Variants in ODR4 observed in about 807,000 individuals in gnomAD.
ODR4 encodes odr-4 GPCR localization factor homolog.
ODR4 carries 47 observed loss-of-function variants against 60.2 expected under a neutral mutation model. That is an observed-to-expected ratio of 0.78 (90% CI 0.62 to 1.00). ODR4 has a LOEUF of 1.00. Among genes scored for constraint, ODR4 ranks in the 50% least tolerant of loss-of-function variants. The pLI is 0.00. For missense variants in ODR4, 488 were observed against 530.8 expected (o/e 0.92, Z 0.79); for synonymous variants, 178 against 175.5 (o/e 1.01, Z -0.11).
chr1:186,418,220 A>G (rs1661648430), intron 13 of ODR4, among the ~76,000 whole-genome samples: 1 of 151,494 alleles, frequency 6.6e-6, no homozygotes, highest in Non-Finnish European at 1.5e-5. Context: ...GATAAATTTA[A>G]TTAATTTTTT....
intron 11 of ODR4, chr1:186,400,974 T>G: frequency 6.9e-7 from 1 of 1,459,670 alleles, no homozygotes; most frequent in Non-Finnish European, 9.3e-7. Context: ...TCCTGTGGTG[T>G]AAATCATTGC....
At chr1:186,384,572 G>GAC (rs368870659) in intron 3 of ODR4, among the ~76,000 whole-genome samples, 6,264 of 129,570 alleles carry the variant, frequency 0.048, 221 homozygotes, top group East Asian at 0.093. Flanking sequence ...AATTGTATAT[G>GAC]ACACACACAC....
chr1:186,386,598 T>C (rs1660262082), intron 4 of ODR4, among the ~76,000 whole-genome samples: 1 of 152,180 alleles, frequency 6.6e-6, no homozygotes, highest in African/African-American at 2.4e-5. Context: ...GAAGTAATTC[T>C]TTTTGACAGA....
chr1:186,431,354 G>A, the ODR4 span, among the ~76,000 whole-genome samples: 5 of 152,258 alleles, frequency 3.3e-5, no homozygotes, highest in African/African-American at 1.2e-4. Context: ...TCTGAGGTTA[G>A]TAATCACATG....
chr1:186,408,747 T>G (rs1320421910), intron 12 of ODR4, among the ~76,000 whole-genome samples: 6 of 151,498 alleles, frequency 4.0e-5, no homozygotes, highest in Admixed American at 3.9e-4. Context: ...CACATTCTTG[T>G]GCATCTCACA....
At chr1:186,401,135 T>C in intron 11 of ODR4, 1 of 1,596,274 alleles carries the variant, frequency 6.3e-7, no homozygotes, top group Non-Finnish European at 8.6e-7. Context: ...ATAAAAGTGG[T>C]ATTATATGGC....
chr1:186,433,109 A>G, the ODR4 span, among the ~76,000 whole-genome samples: 1 of 152,082 alleles, frequency 6.6e-6, no homozygotes, highest in Admixed American at 6.5e-5. Context: ...TTATTAGAGA[A>G]CCAATTTTTG....
chr1:186,407,552 T>G (rs562788132), intron 12 of ODR4, among the ~76,000 whole-genome samples: 8 of 152,252 alleles, frequency 5.3e-5, no homozygotes, highest in African/African-American at 1.9e-4. Context: ...CTCTTAATAC[T>G]GAAAACTACA....
In ODR4 at chr1:186,398,948, C is replaced by T. The variant is rs966821777; in HGVS notation, c.910-6C>T. On this transcript the variant is annotated splice_polypyrimidine_tract_variant and splice_region_variant and intron_variant, in intron 10 of 13. Coordinates refer to ENST00000287859, the MANE Select transcript of ODR4 (RefSeq NM_017847.6). ...TACTGTGTTTTTTGTGTGTTTTTCC[C>T]TGTAGGCAGTAAAGAGGGATATATT... is the stretch of plus-strand genomic sequence containing the variant. The T allele has an allele frequency of 5.0e-6, 8 of 1,591,512 alleles. No homozygotes were observed. In the African/African-American group the frequency reaches 8.1e-5, roughly 16 times the overall value.
At position 186,413,529 on chromosome 1, in the gene ODR4, C is replaced by T. The variant is rs1271834467; in HGVS notation, c.1187-4015C>T. ...TTTAAAATTTCTTAGCTGTGTTAGTCATCTCCTAGTAGATGTTAACTTGAT... is the reference window on the plus strand; with the variant it reads ...TTTAAAATTTCTTAGCTGTGTTAGTTATCTCCTAGTAGATGTTAACTTGAT... On this transcript the variant is annotated intron_variant, in intron 12 of 13. Coordinates refer to ENST00000287859, the MANE Select transcript of ODR4 (RefSeq NM_017847.6). 1.1e-4 allele frequency among the ~76,000 whole-genome samples: 17 copies of T among 152,096 alleles called. 1 individual carries two copies. Among genetic ancestry groups the T allele is most frequent in the Admixed American group, 1.1e-3 (17 of 15,268 alleles).
chr1:186,417,779 G>A (rs1481092077), intron 13 of ODR4, 125 bp downstream of exon 13: 4 of 608,628 alleles, frequency 6.6e-6, no homozygotes, highest in Admixed American at 3.0e-5. Flanking sequence ...TATTTATTGG[G>A]TATTATGGAA....
chr1:186,413,310 G>A (rs1444064785), intron 12 of ODR4, among the ~76,000 whole-genome samples: 3 of 151,986 alleles, frequency 2.0e-5, no homozygotes, highest in Non-Finnish European at 2.9e-5. Flanking sequence ...TCAGGTAAAG[G>A]ATGCTCAACT....
the ODR4 span, among the ~76,000 whole-genome samples, chr1:186,433,254 T>G: frequency 6.6e-6 from 1 of 152,114 alleles, no homozygotes; most frequent in South Asian, 2.1e-4. Context: ...TCTTCTTTTG[T>G]AATTTATGTT....
chr1:186,431,924 T>C, the ODR4 span, among the ~76,000 whole-genome samples: 23 of 152,108 alleles, frequency 1.5e-4, no homozygotes, highest in East Asian at 4.4e-3. Context: ...GTGGGAAAAG[T>C]TGGTAGGGGG....
intron 12 of ODR4, chr1:186,411,831 A>T (rs1043503906): frequency 1.4e-4 from 140 of 974,662 alleles, no homozygotes; most frequent in Non-Finnish European, 1.7e-4. Flanking sequence ...AGATGGATTA[A>T]CAGTAGGAAG....
intron 11 of ODR4, chr1:186,400,803 T>G (rs1660913697): frequency 2.8e-6 from 1 of 356,042 alleles, no homozygotes; most frequent in African/African-American, 2.2e-5. Flanking sequence ...TACTAATAAT[T>G]TATAATTTTG....
intron 11 of ODR4, among the ~76,000 whole-genome samples, chr1:186,402,734 C>T (rs1425497426): frequency 1.3e-5 from 2 of 149,510 alleles, no homozygotes; most frequent in Non-Finnish European, 3.0e-5. Flanking sequence ...ACTACAAGCG[C>T]ACAGCAGTAT....
chr1:186,384,605 A>ACC (rs1660181671), intron 3 of ODR4, among the ~76,000 whole-genome samples: 1 of 151,908 alleles, frequency 6.6e-6, no homozygotes, highest in Non-Finnish European at 1.5e-5. Flanking sequence ...ACACACACAC[A>ACC]GAATATTAAT....
chr1:186,420,910 A>G lies in ODR4; in HGVS notation c.*1834A>G, dbSNP rs1483629121. The G allele has an allele frequency of 1.3e-5, 2 of 152,196 alleles. No individual in the cohort carries two copies. The highest frequency in any genetic ancestry group is 1.3e-4 in the Admixed American group (2 of 15,276). The allele number at this position is 152,196 out of a possible 1,614,324, so 9.4% of individuals were successfully genotyped here. On this transcript the variant is annotated 3_prime_UTR_variant, in exon 14 of 14. Coordinates refer to ENST00000287859, the MANE Select transcript of ODR4 (RefSeq NM_017847.6). ...ATTCAGGAAGCACAATATATACCAA[A>G]CATATATTTAAATAAAATCCAGGCC...
Sources: allele counts gnomAD v4.1 joint callset (sites outside exome capture counted in the v4.1 genomes callset), GRCh38; gene constraint gnomAD v4.1.1; transcripts MANE v1.5; gene names NCBI Gene and HGNC (gene_info 2026-07-23, HGNC 2026-07-21).